The following CLSTN2 variants were observed in gnomAD, a reference collection of about 807,000 sequenced individuals.
CLSTN2 encodes calsyntenin 2, also known as calsyntenin-2.
A neutral mutation model predicts 101.2 loss-of-function variants in CLSTN2; 48 were observed. The observed-to-expected ratio is 0.47, with a 90% CI of 0.38 to 0.60. The LOEUF is 0.60. Ranked by LOEUF, CLSTN2 falls within the 20% of genes least tolerant of loss-of-function variation. The pLI is 0.00. For missense variants in CLSTN2, 1,160 were observed against 1,238.2 expected, an observed-to-expected ratio of 0.94 and a Z score of 0.95; for synonymous variants, 481 against 463.6, an observed-to-expected ratio of 1.04 and a Z score of -0.48.
At chr3:140,023,050 G>C (rs2107756482) in intron 1 of CLSTN2, among the ~76,000 whole-genome samples, 1 of 152,302 alleles carries the variant, frequency 6.6e-6, no homozygotes. Context: ...TGTGTGTTTT[G>C]GGAGCCCCTT....
chr3:140,229,407 A>T (rs892006701), intron 2 of CLSTN2, among the ~76,000 whole-genome samples: 2 of 152,132 alleles, frequency 1.3e-5, no homozygotes, highest in Admixed American at 6.5e-5. Context: ...GGTCACTTAG[A>T]TGCTGGAGCT....
At chr3:140,169,535 A>G (rs2010181505) in intron 1 of CLSTN2, among the ~76,000 whole-genome samples, 1 of 152,134 alleles carries the variant, frequency 6.6e-6, no homozygotes, top group African/African-American at 2.4e-5. Context: ...CCATCCTTGT[A>G]TTCTTCCTGT....
intron 2 of CLSTN2, among the ~76,000 whole-genome samples, chr3:140,217,297 G>A (rs556861268): frequency 7.9e-5 from 12 of 152,186 alleles, no homozygotes; most frequent in African/African-American, 2.2e-4. Flanking sequence ...TGCCAAAGTT[G>A]GGGATGTTTT....
chr3:140,207,122 G>C (rs2010793833), intron 2 of CLSTN2, among the ~76,000 whole-genome samples: 1 of 152,144 alleles, frequency 6.6e-6, no homozygotes, highest in African/African-American at 2.4e-5. Context: ...CTCCATCAGA[G>C]CCAACCTATC....
Position 140,273,567 on chromosome 3 carries a change from A to G in CLSTN2, c.232+97494A>G, listed in dbSNP as rs542425635. On this transcript the variant is annotated intron_variant, in intron 2 of 16. Transcript: ENST00000458420. ...TAATAATAATCAGGTGCAGAGGAACATCTGTATAAGCCATTGTGTGGTTAA... is the reference window on the plus strand; with the variant it reads ...TAATAATAATCAGGTGCAGAGGAACGTCTGTATAAGCCATTGTGTGGTTAA... Among the ~76,000 whole-genome samples the G allele has an allele frequency of 2.6e-5, 4 of 152,270 alleles. No individual in the cohort carries two copies. In the East Asian group the frequency reaches 7.7e-4, roughly 29 times the overall value.
chr3:140,346,446 G>A (rs1409462245), intron 2 of CLSTN2, among the ~76,000 whole-genome samples: 6 of 152,148 alleles, frequency 3.9e-5, no homozygotes, highest in East Asian at 3.9e-4. Context: ...AACCCACTCC[G>A]TGTAACTATA....
At chr3:140,129,315 C>G (rs1324032325) in intron 1 of CLSTN2, among the ~76,000 whole-genome samples, 2 of 152,076 alleles carry the variant, frequency 1.3e-5, no homozygotes, top group Non-Finnish European at 2.9e-5. Flanking sequence ...GTAGGTACTC[C>G]TTGTCAGTAG....
At chr3:140,306,798 T>C (rs1403055100) in intron 2 of CLSTN2, among the ~76,000 whole-genome samples, 3 of 152,034 alleles carry the variant, frequency 2.0e-5, no homozygotes, top group Admixed American at 6.6e-5. Context: ...CAAAGGCAGT[T>C]TGTTTCAACC....
intron 2 of CLSTN2, among the ~76,000 whole-genome samples, chr3:140,192,348 G>A (rs1041035544): frequency 1.3e-5 from 2 of 151,872 alleles, no homozygotes; most frequent in African/African-American, 4.8e-5. Flanking sequence ...GAACTTTTCT[G>A]TATCCTAGCT....
intron 2 of CLSTN2, among the ~76,000 whole-genome samples, chr3:140,210,075 T>C (rs2010836012): frequency 6.6e-6 from 1 of 152,226 alleles, no homozygotes; most frequent in Admixed American, 6.5e-5. Context: ...TATCATTCCA[T>C]GACCTATGTT....
chr3:140,032,948 G>A (rs1208222742), intron 1 of CLSTN2, among the ~76,000 whole-genome samples: 3 of 152,240 alleles, frequency 2.0e-5, no homozygotes, highest in Admixed American at 6.5e-5. Flanking sequence ...CCTTACAGTA[G>A]AGCAAGGACA....
At chr3:140,163,935 C>T (rs1367610394) in intron 1 of CLSTN2, among the ~76,000 whole-genome samples, 1 of 151,910 alleles carries the variant, frequency 6.6e-6, no homozygotes, top group African/African-American at 2.4e-5. Context: ...CATTTATTAG[C>T]ATGAATTCCA....
intron 1 of CLSTN2, among the ~76,000 whole-genome samples, chr3:140,159,828 A>G (rs914137734): frequency 1.3e-5 from 2 of 152,180 alleles, no homozygotes; most frequent in Non-Finnish European, 2.9e-5. Flanking sequence ...ATACTATGCA[A>G]CCATAAAAAG....
At position 140,121,437 on chromosome 3, in the gene CLSTN2, C is replaced by G. The variant is rs754422501; in HGVS notation, c.110-54514C>G. Among the ~76,000 whole-genome samples the G allele has an allele frequency of 1.0e-3, 156 of 152,248 alleles. 3 individuals are homozygous for G. The highest frequency in any genetic ancestry group is 3.4e-4 in the Non-Finnish European group (23 of 68,016). On this transcript the variant is annotated intron_variant, in intron 1 of 16. Coordinates refer to ENST00000458420, the MANE Select transcript of CLSTN2 (RefSeq NM_022131.3). ...GCTTCCCAGGCCCAGAGTGGTGGAGCAGGGCATAGAGTAGATCTAGAGGTA... is the reference window on the plus strand; with the variant it reads ...GCTTCCCAGGCCCAGAGTGGTGGAGGAGGGCATAGAGTAGATCTAGAGGTA...
intron 2 of CLSTN2, among the ~76,000 whole-genome samples, chr3:140,329,177 G>A (rs34362633): frequency 0.086 from 13,071 of 152,102 alleles, 680 homozygotes; most frequent in Middle Eastern, 0.14. Flanking sequence ...ACCTGAGGTC[G>A]GGAGTTTGAG....
chr3:140,208,606 C>T (rs2010813425), intron 2 of CLSTN2, among the ~76,000 whole-genome samples: 1 of 152,120 alleles, frequency 6.6e-6, no homozygotes. Context: ...TACATCTTCT[C>T]ATTTTATTTT....
intron 2 of CLSTN2, among the ~76,000 whole-genome samples, chr3:140,338,904 C>T (rs1054631442): frequency 3.3e-5 from 5 of 152,104 alleles, no homozygotes; most frequent in South Asian, 2.1e-4. Context: ...TTGTAGACAC[C>T]GGGGTGGGCT....
chr3:140,307,035 T>C (rs906005375), intron 2 of CLSTN2, among the ~76,000 whole-genome samples: 3 of 152,014 alleles, frequency 2.0e-5, no homozygotes, highest in Non-Finnish European at 4.4e-5. Context: ...GTTCTCATGA[T>C]AGTGAATAAG....
At chr3:140,503,437 A>G (rs1016865969) in intron 8 of CLSTN2, among the ~76,000 whole-genome samples, 4 of 152,198 alleles carry the variant, frequency 2.6e-5, no homozygotes, top group African/African-American at 9.7e-5. Context: ...ACAGGTCCAT[A>G]GCCTAGGAGC....
Sources: gnomAD v4.1 joint callset for allele counts (sites outside exome capture counted in the v4.1 genomes callset) on GRCh38, gnomAD v4.1.1 for gene constraint, MANE v1.5 for transcripts, NCBI Gene and HGNC (gene_info 2026-07-23, HGNC 2026-07-21) for gene names.